Variants in CWF19L1 observed in about 807,000 individuals in gnomAD.
CWF19L1 encodes the protein CWF19 like cell cycle control factor 1.
In CWF19L1, 60 loss-of-function variants were observed where a neutral mutation model predicts 69.7. The ratio of observed to expected loss-of-function variants is 0.86; its 90% CI spans 0.70 to 1.07. The LOEUF is 1.07. Among genes scored for constraint, CWF19L1 ranks in the 50% least tolerant of loss-of-function variants. CWF19L1 has a pLI of 0.00. For missense variants in CWF19L1, 591 were observed against 638.9 expected, an observed-to-expected ratio of 0.92 and a Z score of 0.81; for synonymous variants, 209 against 222.2, an observed-to-expected ratio of 0.94 and a Z score of 0.53.
rs772002747 is a variant in CWF19L1, at chr10:100,243,726, T to C, written c.1016A>G (p.Lys339Arg). ...WFCLASPEVE[K>R]HLVVNIGTHC... is the part of the protein sequence containing the mutation. ...TGTGCCGATGTTGACCACCAAATGT[T>C]TTTCCACTTCAGGGCTAGCAAGGCA... Residue 339 changes from lysine (K) to arginine (R), a missense_variant, in exon 10 of 14, where the codon AAA (lysine) becomes AGA (arginine). Coordinates refer to ENST00000354105, the MANE Select transcript of CWF19L1 (RefSeq NM_018294.6). 3.7e-6 allele frequency: 6 copies of C among 1,614,068 alleles called. No individual in the cohort carries two copies. In the African/African-American group the frequency reaches 8.0e-5, roughly 22 times the overall value.
Position 100,256,451 on chromosome 10 carries a change from G to A in CWF19L1, c.315C>T (p.Ser105=). 2 of 1,614,152 alleles carry A rather than the reference G, an allele frequency of 1.2e-6. No homozygotes were observed. Among genetic ancestry groups the A allele is most frequent in the Non-Finnish European group, 8.5e-7 (1 of 1,180,026 alleles). The part of the protein sequence containing the change: ...YLGRKGIFTG[S]SGLQIVYLSG... ...TGAGGTACACAATCTGCAGCCCCGA[G>A]CTTCCAGTGAAGATACCTTTACGAC... Residue 105 remains serine (S), a synonymous_variant, in exon 5 of 14, where the codon AGC becomes AGT. Coordinates refer to ENST00000354105, the MANE Select transcript of CWF19L1 (RefSeq NM_018294.6).
rs181093212 is a variant in CWF19L1 at position 100,232,382 on chromosome 10, A to G, written c.*845T>C. On this transcript the variant is annotated 3_prime_UTR_variant, in exon 14 of 14. Transcript: ENST00000354105. The stretch of plus-strand genomic sequence containing the variant: ...ATACACAAGCTGTACTTGGAGCTGG[A>G]TAACAGACATAGGAGCTGGATGACA... The G allele has an allele frequency of 4.5e-4, 68 of 152,376 alleles. 1 individual carries two copies. Among genetic ancestry groups the G allele is most frequent in the African/African-American group, 1.6e-3 (65 of 41,592 alleles). 9.4% of individuals were successfully genotyped at this position (152,376 alleles called of 1,614,324 possible). A position where few individuals can be genotyped will look rare whatever the true frequency, so the allele number is the denominator to read the frequency against.
chr10:100,263,027 C>T (rs1030416908), intron 1 of CWF19L1, among the ~76,000 whole-genome samples: 1 of 152,018 alleles, frequency 6.6e-6, no homozygotes, highest in Non-Finnish European at 1.5e-5. Flanking sequence ...CTCCACTCCA[C>T]CCCACCTCAC....
rs375248875 is a variant in CWF19L1 at position 100,262,087 on chromosome 10, A to C, written c.24-24T>G. The C allele has an allele frequency of 4.0e-5, 64 of 1,597,058 alleles. No homozygotes were observed. The African/African-American group carries it at 6.4e-4, about 16-fold the overall frequency. ...AGCTGCAAACAAAGAGATAAACATT[A>C]TAGCAATTCAGGAAACAAATGGGCC... On this transcript the variant is annotated intron_variant, in intron 1 of 13. Transcript: ENST00000354105.
At chr10:100,263,867 G>A (rs1296455399) in intron 1 of CWF19L1, among the ~76,000 whole-genome samples, 1 of 152,164 alleles carries the variant, frequency 6.6e-6, no homozygotes, top group East Asian at 1.9e-4. Flanking sequence ...CTTTGGCTCT[G>A]ATTTGTTCTC....
Position 100,238,250 on chromosome 10 carries a change from G to C in CWF19L1, c.1045-19C>G, listed in dbSNP as rs1259352782. 1.2e-6 allele frequency: 2 copies of C among 1,610,004 alleles called. No homozygotes were observed. Among genetic ancestry groups the C allele is most frequent in the African/African-American group, 1.3e-5 (1 of 74,832 alleles). ...GGTAGCACTGAAGAAGCAGCACACAGAATTGAGACATCAATACAGCATGTA... is the reference window on the plus strand; with the variant it reads ...GGTAGCACTGAAGAAGCAGCACACACAATTGAGACATCAATACAGCATGTA... On this transcript the variant is annotated intron_variant, in intron 10 of 13. Coordinates refer to ENST00000354105, the MANE Select transcript of CWF19L1 (RefSeq NM_018294.6).
In CWF19L1 at chr10:100,260,261, C is replaced by A; in HGVS notation, c.246G>T (p.Gln82His). ...CAGCTAATTCACATCCATCAGCATC[C>A]TGGAAATATTTTACTGTTTCCTGGT... ...ANNQETVKYFQDADGCELAEN... is the reference protein window; with the variant it reads ...ANNQETVKYFHDADGCELAEN... The change falls in exon 4 of 14, where the codon CAG (glutamine) becomes CAT (histidine). Residue 82 changes from glutamine to histidine, a missense_variant. This residue lies in a region of CWF19L1 where 129 missense variants were observed against 131.3 expected (regional missense o/e 0.98). Coordinates refer to ENST00000354105, the MANE Select transcript of CWF19L1 (RefSeq NM_018294.6). 1 of 1,612,766 alleles carries A rather than the reference C, an allele frequency of 6.2e-7. No individual in the cohort carries two copies. The highest frequency in any genetic ancestry group is 8.5e-7 in the Non-Finnish European group (1 of 1,178,968).
At chr10:100,262,771 A>G (rs924323978) in intron 1 of CWF19L1, among the ~76,000 whole-genome samples, 11 of 152,340 alleles carry the variant, frequency 7.2e-5, no homozygotes, top group African/African-American at 2.6e-4. Context: ...GACTTTTACT[A>G]TCATCTCATT....
intron 7 of CWF19L1, among the ~76,000 whole-genome samples, chr10:100,249,335 A>T (rs1846943712): frequency 6.6e-6 from 1 of 151,842 alleles, no homozygotes; most frequent in African/African-American, 2.4e-5. Context: ...TAATCTTCAG[A>T]CTCTTTATCT....
chr10:100,243,064 CTTAAAAG>C (rs781420775), intron 10 of CWF19L1, among the ~76,000 whole-genome samples: 6 of 152,142 alleles, frequency 3.9e-5, no homozygotes, highest in Non-Finnish European at 7.4e-5. Context: ...TTAGCAGTTT[CTTAAAAG>C]TTAAACATAA....
intron 1 of CWF19L1, 64 bp downstream of exon 1, chr10:100,267,507 C>T: frequency 6.2e-7 from 1 of 1,613,592 alleles, no homozygotes; most frequent in South Asian, 1.1e-5. Context: ...GACTCCCGCC[C>T]GTGTCGTCAC....
chr10:100,246,668 A>C (rs1846832009), intron 8 of CWF19L1, 127 bp downstream of exon 8: 127 of 984,170 alleles, frequency 1.3e-4, no homozygotes, highest in East Asian at 3.5e-4. Flanking sequence ...AGATTTTCTA[A>C]ACATCATCAT....
intron 7 of CWF19L1, among the ~76,000 whole-genome samples, chr10:100,249,352 T>C (rs891958244): frequency 2.0e-5 from 3 of 152,256 alleles, no homozygotes; most frequent in African/African-American, 7.2e-5. Context: ...ATCTGCCTAT[T>C]TTCCCACTTC....
chr10:100,247,892 T>C (rs927681255), intron 7 of CWF19L1, among the ~76,000 whole-genome samples: 4 of 151,608 alleles, frequency 2.6e-5, no homozygotes, highest in Non-Finnish European at 4.4e-5. Flanking sequence ...AGAGACTCCA[T>C]CTTAAACAAA....
Position 100,238,133 on chromosome 10 carries a change from C to T in CWF19L1, c.1143G>A (p.Val381=), listed in dbSNP as rs1182896398. 8.7e-6 allele frequency: 14 copies of T among 1,614,162 alleles called. No individual in the cohort carries two copies. Among genetic ancestry groups the T allele is most frequent in the East Asian group, 4.5e-5 (2 of 44,882 alleles). Residue 381 remains valine, a synonymous_variant, in exon 11 of 14, where the codon GTG becomes GTA. Transcript: ENST00000354105. ...YQSVVELSAE[V]VEEVEKYKAT... Reference sequence around the variant, plus strand: ...CCTTATACTTCTCCACCTCTTCTACCACCTCTGCTGAAAGCTCCACCACTG... The same window carrying T: ...CCTTATACTTCTCCACCTCTTCTACTACCTCTGCTGAAAGCTCCACCACTG...
At chr10:100,260,058 C>T (rs369056435) in intron 4 of CWF19L1, among the ~76,000 whole-genome samples, 160 bp downstream of exon 4, 3 of 152,194 alleles carry the variant, frequency 2.0e-5, no homozygotes, top group African/African-American at 2.4e-5. Flanking sequence ...ATCCAAGCTA[C>T]TCAGGAGGCT....
intron 10 of CWF19L1, among the ~76,000 whole-genome samples, chr10:100,239,623 A>G: frequency 6.6e-6 from 1 of 152,240 alleles, no homozygotes; most frequent in South Asian, 2.1e-4. Flanking sequence ...TGGGCGACAG[A>G]ACAAGACTGT....
intron 4 of CWF19L1, among the ~76,000 whole-genome samples, chr10:100,259,904 C>T (rs546044527): frequency 3.3e-5 from 5 of 152,258 alleles, no homozygotes; most frequent in African/African-American, 9.6e-5. Context: ...CGGTGGCTCA[C>T]GCCTGTAATC....
At chr10:100,246,043 T>G (rs1564854294) in intron 8 of CWF19L1, 130 bp from the exon 9 acceptor site, 2 of 652,248 alleles carry the variant, frequency 3.1e-6, no homozygotes, top group African/African-American at 1.8e-5. Flanking sequence ...TTCTGCACAC[T>G]CTAGGGAAGC....
Sources: allele counts gnomAD v4.1 joint callset (sites outside exome capture counted in the v4.1 genomes callset), GRCh38; gene constraint gnomAD v4.1.1; regional missense constraint gnomAD v4.1.1; transcripts MANE v1.5; gene names NCBI Gene and HGNC (gene_info 2026-07-23, HGNC 2026-07-21).